The following AOC1 variants were observed in gnomAD, a reference collection of about 807,000 sequenced individuals.
AOC1 encodes the protein diamine oxidase [copper-containing].
In AOC1, 58 loss-of-function variants were observed where a neutral mutation model predicts 57.1. The observed-to-expected ratio is 1.02, with a 90% CI of 0.82 to 1.26. AOC1 has a LOEUF of 1.26. AOC1 is among the 50% of genes most tolerant of loss of function. AOC1 has a pLI of 0.00. For missense variants in AOC1, 917 were observed against 1,005.3 expected (o/e 0.91, Z 1.19); for synonymous variants, 401 against 423.4 (o/e 0.95, Z 0.65).
chr7:150,861,290 G>T lies in AOC1; in HGVS notation c.*81G>T. ...GCAGACAATAAACCCTCAGAGCCTC[G>T]CTCTGTGTGCTGCTTCTTGCGGGGA... On this transcript the variant is annotated 3_prime_UTR_variant, in exon 5 of 5. Coordinates refer to ENST00000360937, the MANE Select transcript of AOC1 (RefSeq NM_001091.4). The surrounding 1 kb of genome is among the most constrained non-coding windows in gnomAD (Gnocchi z 4.5). 1.4e-6 allele frequency: 2 copies of T among 1,434,962 alleles called. No individual in the cohort carries two copies. The highest frequency in any genetic ancestry group is 1.9e-6 in the Non-Finnish European group (2 of 1,075,192). The allele number at this position is 1,434,962 out of a possible 1,614,324, so 88.9% of individuals were successfully genotyped here.
chr7:150,861,173 C>T lies in AOC1; in HGVS notation c.2220C>T (p.Pro740=). The T allele has an allele frequency of 6.2e-7, 1 of 1,607,742 alleles. No homozygotes were observed. The highest frequency in any genetic ancestry group is 2.2e-5 in the East Asian group (1 of 44,776). Residue 740 remains proline, a synonymous_variant, in exon 5 of 5, where the codon CCC becomes CCT. Coordinates refer to ENST00000360937, the MANE Select transcript of AOC1 (RefSeq NM_001091.4). This position sits in a 1 kb window ranked among gnomAD's most constrained non-coding sequence, Gnocchi z 4.5. The part of the protein sequence containing the change: ...IPEDRDCSMP[P]PFSYNGTYRP... ...AGGACAGGGACTGCTCGATGCCTCC[C>T]CCTTTTAGCTACAATGGGACCTATA...
At chr7:150,853,707 T>C (rs1289990960) in intron 1 of AOC1, among the ~76,000 whole-genome samples, 1 of 140,942 alleles carries the variant, frequency 7.1e-6, no homozygotes, top group African/African-American at 2.7e-5. Flanking sequence ...ATTTATTTAT[T>C]TATTTATTTA....
Position 150,856,214 on chromosome 7 carries a change from G to T in AOC1, c.-16-241G>T, listed in dbSNP as rs899480950. Among the ~76,000 whole-genome samples the T allele has an allele frequency of 6.6e-6, 1 of 152,184 alleles. No individual in the cohort carries two copies. Among genetic ancestry groups the T allele is most frequent in the African/African-American group, 2.4e-5 (1 of 41,450 alleles). ...TTCCCCTGAGTAAGGAAGGCTGCAG[G>T]ACTGAAGGACATTTACAGAGGAGTG... On this transcript the variant is annotated intron_variant, in intron 1 of 4. Transcript: ENST00000360937. This position sits in a 1 kb window ranked among gnomAD's most constrained non-coding sequence, Gnocchi z 5.2.
At position 150,857,142 on chromosome 7, in the gene AOC1, G is replaced by GTGT; in HGVS notation, c.672_673insTGT (p.Gly224_Ser225insCys). 1 of 1,613,960 alleles carries GTGT rather than the reference G, an allele frequency of 6.2e-7. No individual in the cohort carries two copies. Among genetic ancestry groups the GTGT allele is most frequent in the Non-Finnish European group, 8.5e-7 (1 of 1,179,992 alleles). On this transcript the variant is annotated inframe_insertion, in exon 2 of 5. Transcript: ENST00000360937. This position sits in a 1 kb window ranked among gnomAD's most constrained non-coding sequence, Gnocchi z 6.6. ...GGCTGGAGCTCCTCGTGGATCATGGGAGCACAGATGCTGGGCACTGGGCCG... is the reference window on the plus strand; with the variant it reads ...GGCTGGAGCTCCTCGTGGATCATGGGTGTAGCACAGATGCTGGGCACTGGGCCG...
At position 150,861,384 on chromosome 7, in the gene AOC1, AGACATG is replaced by A; in HGVS notation, c.*176_*181del. On this transcript the variant is annotated 3_prime_UTR_variant, in exon 5 of 5. Coordinates refer to ENST00000360937, the MANE Select transcript of AOC1 (RefSeq NM_001091.4). The surrounding 1 kb of genome is among the most constrained non-coding windows in gnomAD (Gnocchi z 4.5). ...CACACACAGACGTGCACACACACAC[AGACATG>A]CACACACACACAGACGTGCACACAC... The A allele has an allele frequency of 1.5e-6, 1 of 678,994 alleles. No individual in the cohort carries two copies. The highest frequency in any genetic ancestry group is 2.4e-6 in the Non-Finnish European group (1 of 421,072). The allele number at this position is 678,994 out of a possible 1,614,324, so 42.1% of individuals were successfully genotyped here. A position where few individuals can be genotyped will look rare whatever the true frequency, so the allele number is the denominator to read the frequency against.
At position 150,856,796 on chromosome 7, in the gene AOC1, C is replaced by A. The variant is rs766635675; in HGVS notation, c.326C>A (p.Pro109His). ...AVIFFGDQEH[P>H]NVTEFAVGPL... ...ATCTTCTTTGGTGACCAGGAGCATC[C>A]CAATGTCACCGAGTTTGCTGTGGGG... Residue 109 changes from proline (P) to histidine (H), a missense_variant, in exon 2 of 5, where the codon CCC becomes CAC. Coordinates refer to ENST00000360937, the MANE Select transcript of AOC1 (RefSeq NM_001091.4). The surrounding 1 kb of genome is among the most constrained non-coding windows in gnomAD (Gnocchi z 5.2). 6.2e-7 allele frequency: 1 copy of A among 1,614,104 alleles called. No homozygotes were observed. Among genetic ancestry groups the A allele is most frequent in the African/African-American group, 1.3e-5 (1 of 75,044 alleles).
Position 150,857,335 on chromosome 7 carries a change from G to A in AOC1, c.865G>A (p.Gly289Arg), listed in dbSNP as rs765264205. The A allele has an allele frequency of 3.4e-5, 54 of 1,601,454 alleles. 1 individual carries two copies. The Middle Eastern group carries it at 6.7e-4, about 20-fold the overall frequency. ...PPLFSSHKPRGDFPSPIHVSG... is the reference protein window; with the variant it reads ...PPLFSSHKPRRDFPSPIHVSG... ...CCTCTTCTCCTCCCACAAGCCCCGC[G>A]GGGACTTCCCCAGCCCCATCCATGT... is the stretch of plus-strand genomic sequence containing the variant. The change falls in exon 2 of 5, where the codon GGG becomes AGG. Residue 289 changes from glycine to arginine, a missense_variant. Physicochemically the swap from Gly to Arg is moderately radical, Grantham distance 125. Coordinates refer to ENST00000360937, the MANE Select transcript of AOC1 (RefSeq NM_001091.4). The surrounding 1 kb of genome is among the most constrained non-coding windows in gnomAD (Gnocchi z 6.6).
At position 150,858,018 on chromosome 7, in the gene AOC1, C is replaced by T. The variant is rs1799847004; in HGVS notation, c.1548C>T (p.Tyr516=). 6.5e-7 allele frequency: 1 copy of T among 1,528,490 alleles called. No homozygotes were observed. Among genetic ancestry groups the T allele is most frequent in the Non-Finnish European group, 8.8e-7 (1 of 1,142,704 alleles). 94.7% of individuals were successfully genotyped at this position (1,528,490 alleles called of 1,614,324 possible). Residue 516 remains tyrosine (Y), a synonymous_variant, in exon 2 of 5, where the codon TAC becomes TAT. Transcript: ENST00000360937. ...ACATACACACTCACTTGGTGCACTA[C>T]CGCGTAGACCTGGATGTGGCAGGTA... is the stretch of plus-strand genomic sequence containing the variant. ...IGNIHTHLVH[Y]RVDLDVAGTK...
At chr7:150,860,718 G>A in intron 4 of AOC1, 85 bp downstream of exon 4, 1 of 1,511,638 alleles carries the variant, frequency 6.6e-7, no homozygotes. Context: ...CCATCAGGGA[G>A]TCCCAACCAC....
intron 1 of AOC1, among the ~76,000 whole-genome samples, chr7:150,854,520 C>T (rs534505461): frequency 6.6e-6 from 1 of 152,254 alleles, no homozygotes; most frequent in East Asian, 1.9e-4. Context: ...AACAGCATTC[C>T]TCGGCAGTGC....
chr7:150,858,224 C>T (rs1180562996), intron 2 of AOC1, among the ~76,000 whole-genome samples, 184 bp downstream of exon 2: 1 of 152,106 alleles, frequency 6.6e-6, no homozygotes, highest in Non-Finnish European at 1.5e-5. Flanking sequence ...CGAACAGTGC[C>T]GAGGGTTGCC....
rs765726915 is a variant in AOC1, at chr7:150,858,023, T to C, written c.1553T>C (p.Val518Ala). The change falls in exon 2 of 5, where the codon GTA becomes GCA. Residue 518 changes from valine to alanine, a missense_variant. By Grantham distance (64) the Val-to-Ala change is moderately conservative. Coordinates refer to ENST00000360937, the MANE Select transcript of AOC1 (RefSeq NM_001091.4). ...CACACTCACTTGGTGCACTACCGCGTAGACCTGGATGTGGCAGGTAGGACT... is the reference window on the plus strand; with the variant it reads ...CACACTCACTTGGTGCACTACCGCGCAGACCTGGATGTGGCAGGTAGGACT... ...NIHTHLVHYR[V>A]DLDVAGTKNS... 1 of 1,523,472 alleles carries C rather than the reference T, an allele frequency of 6.6e-7. No individual in the cohort carries two copies. Among genetic ancestry groups the C allele is most frequent in the Non-Finnish European group, 8.8e-7 (1 of 1,141,022 alleles). 94.4% of individuals were successfully genotyped at this position (1,523,472 alleles called of 1,614,324 possible).
Position 150,857,268 on chromosome 7 carries a change from G to A in AOC1, c.798G>A (p.Pro266=), listed in dbSNP as rs370158924. Residue 266 remains proline, a synonymous_variant, in exon 2 of 5, where the codon CCG becomes CCA. Coordinates refer to ENST00000360937, the MANE Select transcript of AOC1 (RefSeq NM_001091.4). This position sits in a 1 kb window ranked among gnomAD's most constrained non-coding sequence, Gnocchi z 6.6. ...TGGACGTGGTGGTCCTGGAGGACCC[G>A]CTGCCTGGGGGCAAGGGGCATGACA... is the stretch of plus-strand genomic sequence containing the variant. ...GEVDVVVLED[P]LPGGKGHDST... The A allele has an allele frequency of 1.6e-5, 26 of 1,608,634 alleles. No individual in the cohort carries two copies. The highest frequency in any genetic ancestry group is 2.2e-5 in the South Asian group (2 of 90,034).
At chr7:150,854,476 G>A (rs1365646283) in intron 1 of AOC1, among the ~76,000 whole-genome samples, 1 of 152,180 alleles carries the variant, frequency 6.6e-6, no homozygotes, top group Non-Finnish European at 1.5e-5. Context: ...AGTGCTAAGG[G>A]GACTAGTGGA....
chr7:150,858,621 G>C (rs1424981045), intron 2 of AOC1, 142 bp from the exon 3 acceptor site: 1 of 921,134 alleles, frequency 1.1e-6, no homozygotes, highest in East Asian at 2.7e-5. Flanking sequence ...CACCACAGCC[G>C]CCCAGGGCAT....
rs1180709186 is a variant in AOC1 at position 150,856,816 on chromosome 7, G to A, written c.346G>A (p.Val116Met). Residue 116 changes from valine (V) to methionine (M), a missense_variant, in exon 2 of 5, where the codon GTG becomes ATG. Val to Met is a conservative substitution (Grantham distance 21). Coordinates refer to ENST00000360937, the MANE Select transcript of AOC1 (RefSeq NM_001091.4). The surrounding 1 kb of genome is among the most constrained non-coding windows in gnomAD (Gnocchi z 5.2). ...GCATCCCAATGTCACCGAGTTTGCTGTGGGGCCCCTGCCAGGGCCCTGCTA... is the reference window on the plus strand; with the variant it reads ...GCATCCCAATGTCACCGAGTTTGCTATGGGGCCCCTGCCAGGGCCCTGCTA... Reference protein sequence around the residue: ...QEHPNVTEFAVGPLPGPCYMR... With the variant: ...QEHPNVTEFAMGPLPGPCYMR... The A allele has an allele frequency of 2.5e-6, 4 of 1,613,996 alleles. No homozygotes were observed. Among genetic ancestry groups the A allele is most frequent in the East Asian group, 4.5e-5 (2 of 44,886 alleles).
chr7:150,853,554 T>C (rs1176367125), intron 1 of AOC1, among the ~76,000 whole-genome samples: 1 of 151,178 alleles, frequency 6.6e-6, no homozygotes, highest in East Asian at 1.9e-4. Flanking sequence ...TAAAAGTCTA[T>C]TAAAAAAAAA....
intron 3 of AOC1, chr7:150,859,702 C>CAAA (rs71196733): frequency 0.14 from 14,193 of 102,968 alleles, 1,156 homozygotes; most frequent in African/African-American, 0.21. Flanking sequence ...GACTAGTTCT[C>CAAA]AAAAAAAAAA....
rs1799834363 is a variant in AOC1 at position 150,857,743 on chromosome 7, G to T, written c.1273G>T (p.Val425Leu). Residue 425 changes from valine to leucine, a missense_variant, in exon 2 of 5, where the codon GTG becomes TTG. Coordinates refer to ENST00000360937, the MANE Select transcript of AOC1 (RefSeq NM_001091.4). The surrounding 1 kb of genome is among the most constrained non-coding windows in gnomAD (Gnocchi z 6.6). ...CTGCCTCTTTGAAATGCCCACAGGG[G>T]TGCCCCTTCGGCGGCACTTTAATTC... ...ALCLFEMPTG[V>L]PLRRHFNSNF... 3 of 1,614,190 alleles carry T rather than the reference G, an allele frequency of 1.9e-6. No individual in the cohort carries two copies. Among genetic ancestry groups the T allele is most frequent in the Non-Finnish European group, 2.5e-6 (3 of 1,180,004 alleles).
Sources: gnomAD v4.1 joint callset for allele counts (sites outside exome capture counted in the v4.1 genomes callset) on GRCh38, gnomAD v4.1.1 for gene constraint, Gnocchi (gnomAD v3.1) non-coding constraint, MANE v1.5 for transcripts, NCBI Gene and HGNC (gene_info 2026-07-23, HGNC 2026-07-21) for gene names.